Variants in PCDHA5 observed in about 807,000 individuals in gnomAD.
The protein encoded by PCDHA5 is protocadherin alpha-5.
PCDHA5 carries 43 observed loss-of-function variants against 61.6 expected under a neutral mutation model. The observed-to-expected ratio is 0.70, with a 90% confidence interval of 0.55 to 0.90. PCDHA5 has a LOEUF of 0.90. Ranked by LOEUF, PCDHA5 falls within the 40% of genes least tolerant of loss-of-function variation. PCDHA5 has a pLI of 0.00. For synonymous variants in PCDHA5, 627 were observed against 543.9 expected (o/e 1.15, Z -2.13); for missense variants, 1,298 against 1,222.7 (o/e 1.06, Z -0.92).
chr5:140,925,822 T>C (rs1554202964), intron 1 of PCDHA5, among the ~76,000 whole-genome samples: 1 of 152,156 alleles, frequency 6.6e-6, no homozygotes, highest in African/African-American at 2.4e-5. Flanking sequence ...ACGTCTTCTT[T>C]GGGGACGGGT....
chr5:140,842,874 A>C lies in PCDHA5; in HGVS notation c.2352+18747A>C, dbSNP rs2150346972. 38 of 1,593,708 alleles carry C rather than the reference A, an allele frequency of 2.4e-5. 5 individuals carry two copies. The highest frequency in any genetic ancestry group is 2.3e-4 in the African/African-American group (17 of 74,204). On this transcript the variant is annotated intron_variant, in intron 1 of 3. Coordinates refer to ENST00000529859, the MANE Select transcript of PCDHA5 (RefSeq NM_018908.3). Reference sequence around the variant, plus strand: ...GTGCACACGGAGAGCGGCAAGGTGTACGCGCTGCAGCCGCTGGACCACGAG... The same window carrying C: ...GTGCACACGGAGAGCGGCAAGGTGTCCGCGCTGCAGCCGCTGGACCACGAG...
chr5:140,978,544 A>G (rs2096808919), intron 1 of PCDHA5, among the ~76,000 whole-genome samples: 1 of 152,234 alleles, frequency 6.6e-6, no homozygotes, highest in Non-Finnish European at 1.5e-5. Context: ...TTGTGTAGCC[A>G]TGTGCCCTGT....
chr5:140,882,364 C>G (rs1582611912), intron 1 of PCDHA5: 13 of 1,614,244 alleles, frequency 8.1e-6, no homozygotes, highest in Non-Finnish European at 1.1e-5. Flanking sequence ...GCCAGCTCCA[C>G]TACTCCGTCC....
chr5:140,980,873 T>C (rs1586863406), intron 2 of PCDHA5, among the ~76,000 whole-genome samples: 1 of 152,338 alleles, frequency 6.6e-6, no homozygotes, highest in East Asian at 1.9e-4. Context: ...TGCTTGGGTG[T>C]TCTCGGTCTT....
rs7710953 is a variant in PCDHA5 at position 140,852,165 on chromosome 5, C to T, written c.2352+28038C>T. On this transcript the variant is annotated intron_variant, in intron 1 of 3. Coordinates refer to ENST00000529859, the MANE Select transcript of PCDHA5 (RefSeq NM_018908.3). ...GATCAGAATGGCCTTGAGAATAGAGCCACAAAAATAACTATGAAAATGCCA... is the reference window on the plus strand; with the variant it reads ...GATCAGAATGGCCTTGAGAATAGAGTCACAAAAATAACTATGAAAATGCCA... 4.5e-3 allele frequency: 3,690 copies of T among 821,522 alleles called. 269 individuals are homozygous for T. In the African/African-American group the frequency reaches 0.065, roughly 14 times the overall value. 50.9% of individuals were successfully genotyped at this position (821,522 alleles called of 1,614,324 possible).
intron 1 of PCDHA5, chr5:140,870,979 T>C: frequency 6.2e-7 from 1 of 1,613,556 alleles, no homozygotes; most frequent in Non-Finnish European, 8.5e-7. Flanking sequence ...CGTGGGGCTG[T>C]ACACGGGCGA....
At chr5:140,956,890 G>T (rs2095318198) in intron 1 of PCDHA5, among the ~76,000 whole-genome samples, 3 of 152,136 alleles carry the variant, frequency 2.0e-5, no homozygotes, top group Non-Finnish European at 4.4e-5. Context: ...ATCAATGAAT[G>T]AATATTCTTA....
intron 1 of PCDHA5, chr5:140,849,762 C>T (rs2150448750): frequency 1.3e-6 from 2 of 1,598,528 alleles, no homozygotes; most frequent in Middle Eastern, 1.7e-4. Flanking sequence ...CGCCTACGAG[C>T]TGGTGGTTAC....
chr5:140,847,929 T>C (rs1164805160), intron 1 of PCDHA5: 1 of 151,198 alleles, frequency 6.6e-6, no homozygotes, highest in African/African-American at 2.4e-5. Context: ...CACTAGAGAT[T>C]GCAACTCCTG....
At chr5:141,009,374 G>A (rs567366098) in intron 3 of PCDHA5, among the ~76,000 whole-genome samples, 2 of 152,334 alleles carry the variant, frequency 1.3e-5, no homozygotes, top group African/African-American at 2.4e-5. Context: ...TGGGAGGATT[G>A]ATTGAGCACA....
intron 1 of PCDHA5, chr5:140,862,517 T>C (rs962060354): frequency 3.9e-5 from 16 of 410,600 alleles, no homozygotes; most frequent in African/African-American, 2.9e-4. Flanking sequence ...GCTTTCATTG[T>C]TGGCCACAGC....
chr5:140,906,337 C>A (rs2072574983), intron 1 of PCDHA5, among the ~76,000 whole-genome samples: 1 of 152,192 alleles, frequency 6.6e-6, no homozygotes, highest in Non-Finnish European at 1.5e-5. Flanking sequence ...ATCCTTCATA[C>A]AACCAAGAAT....
chr5:140,901,177 G>T (rs2068485979), intron 1 of PCDHA5, among the ~76,000 whole-genome samples: 1 of 152,034 alleles, frequency 6.6e-6, no homozygotes, highest in African/African-American at 2.4e-5. Flanking sequence ...TCACTTTGTT[G>T]ATTGTTTGCT....
Position 141,010,230 on chromosome 5 carries a change from C to T in PCDHA5, c.*293C>T. The T allele has an allele frequency of 1.3e-6, 2 of 1,551,936 alleles. No homozygotes were observed. Among genetic ancestry groups the T allele is most frequent in the African/African-American group, 1.4e-5 (1 of 73,162 alleles). Reference sequence around the variant, plus strand: ...GCAAAGGAGAGGCTTCCCAGCCCCGCCAGTGAGAGGTTGGACTCTCTGCCC... The same window carrying T: ...GCAAAGGAGAGGCTTCCCAGCCCCGTCAGTGAGAGGTTGGACTCTCTGCCC... On this transcript the variant is annotated 3_prime_UTR_variant, in exon 4 of 4. Transcript: ENST00000529859.
In PCDHA5 at chr5:140,863,367, G is replaced by A. The variant is rs782714685; in HGVS notation, c.2352+39240G>A. The A allele has an allele frequency of 1.5e-5, 18 of 1,191,312 alleles. No homozygotes were observed. The East Asian group carries it at 5.3e-4, about 35-fold the overall frequency. The allele number at this position is 1,191,312 out of a possible 1,614,324, so 73.8% of individuals were successfully genotyped here. A position where few individuals can be genotyped will look rare whatever the true frequency, so the allele number is the denominator to read the frequency against. ...TGTACACGACGCTGCGGTGCTTGGC[G>A]CAGCTCACCGAGAGCTCGTGCATGC... is the stretch of plus-strand genomic sequence containing the variant. On this transcript the variant is annotated intron_variant, in intron 1 of 3. Transcript: ENST00000529859.
chr5:140,954,523 G>A (rs1368260807), intron 1 of PCDHA5, among the ~76,000 whole-genome samples: 4 of 152,186 alleles, frequency 2.6e-5, no homozygotes, highest in African/African-American at 9.6e-5. Flanking sequence ...AATGATCAGT[G>A]ATGTTGAGGT....
At chr5:140,998,125 A>G (rs2097797565) in intron 3 of PCDHA5, among the ~76,000 whole-genome samples, 1 of 152,222 alleles carries the variant, frequency 6.6e-6, no homozygotes. Flanking sequence ...CTTGTGAATC[A>G]TAATAGCTAA....
intron 1 of PCDHA5, among the ~76,000 whole-genome samples, chr5:140,976,501 A>G (rs568983330): frequency 6.6e-6 from 1 of 152,240 alleles, no homozygotes; most frequent in East Asian, 1.9e-4. Context: ...CAGGGAGCCA[A>G]GATCGCGCCA....
At chr5:140,849,771 A>G in intron 1 of PCDHA5, 1 of 1,598,330 alleles carries the variant, frequency 6.3e-7, no homozygotes, top group Non-Finnish European at 8.6e-7. Flanking sequence ...GCTGGTGGTT[A>G]CCGCGCGGGA....
Sources: allele counts gnomAD v4.1 joint callset (sites outside exome capture counted in the v4.1 genomes callset), GRCh38; gene constraint gnomAD v4.1.1; transcripts MANE v1.5; gene names NCBI Gene and HGNC (gene_info 2026-07-23, HGNC 2026-07-21).